KCNMA1: variants seen among roughly 807,000 people sequenced by gnomAD.
KCNMA1 encodes Calcium-activated potassium channel subunit alpha-1.
In KCNMA1, 29 loss-of-function variants were observed where a neutral mutation model predicts 140.0. The ratio of observed to expected loss-of-function variants is 0.21; its 90% CI spans 0.15 to 0.28. The LOEUF (loss-of-function observed/expected upper bound fraction) is 0.28. KCNMA1 is among the 10% of genes least tolerant of loss of function. KCNMA1 has a pLI of 1.00. For missense variants in KCNMA1, 880 were observed against 1,602.2 expected (o/e 0.55, Z 7.70); for synonymous variants, 612 against 611.9 (o/e 1.00, Z 0.00).
At chr10:77,608,592 C>T (rs542878713) in intron 1 of KCNMA1, among the ~76,000 whole-genome samples, 4 of 152,126 alleles carry the variant, frequency 2.6e-5, no homozygotes, top group Non-Finnish European at 5.9e-5. Context: ...CTGAAGTGTG[C>T]ATATACGTGT....
chr10:77,503,872 C>T (rs78298010), intron 1 of KCNMA1, among the ~76,000 whole-genome samples: 7,198 of 152,280 alleles, frequency 0.047, 208 homozygotes, highest in Non-Finnish European at 0.058. Context: ...GTATCAAGTG[C>T]CAAACACTGT....
At chr10:77,039,883 C>CTTTTTTTTTTT (rs34943268) in intron 14 of KCNMA1, among the ~76,000 whole-genome samples, 14 of 78,952 alleles carry the variant, frequency 1.8e-4, no homozygotes, top group South Asian at 5.7e-4. Context: ...TTTTCTTTTT[C>CTTTTTTTTTTT]TTTTTTTTTT....
chr10:77,149,247 G>T (rs2154050336), intron 5 of KCNMA1, among the ~76,000 whole-genome samples: 1 of 152,298 alleles, frequency 6.6e-6, no homozygotes, highest in East Asian at 1.9e-4. Flanking sequence ...CTCTTTCAAA[G>T]AATGGATTGT....
chr10:77,513,731 A>T (rs1014156857), intron 1 of KCNMA1, among the ~76,000 whole-genome samples: 1 of 152,262 alleles, frequency 6.6e-6, no homozygotes, highest in African/African-American at 2.4e-5. Context: ...AGGGAAGCAC[A>T]AACCACTCCA....
rs542552126 is a variant in KCNMA1, at chr10:77,594,329, C to G, written c.378+42936G>C. 1.5e-4 allele frequency among the ~76,000 whole-genome samples: 23 copies of G among 152,296 alleles called. No homozygotes were observed. The South Asian group carries it at 2.7e-3, about 18-fold the overall frequency. ...CTCTAGGATAGAAGAAGCACTCCAG[C>G]CAGCCACCAATTTCCCCTCGCTAAG... On this transcript the variant is annotated intron_variant, in intron 1 of 27. Coordinates refer to ENST00000286628, the MANE Select transcript of KCNMA1 (RefSeq NM_001161352.2).
Position 77,226,814 on chromosome 10 carries a change from G to C in KCNMA1, c.602+24381C>G, listed in dbSNP as rs116401382. On this transcript the variant is annotated intron_variant, in intron 3 of 27. Coordinates refer to ENST00000286628, the MANE Select transcript of KCNMA1 (RefSeq NM_001161352.2). ...AAAAGAGGAGGGGGCTACCGGGACA[G>C]CCACATACTCCTGAGTGCACAATGG... is the stretch of plus-strand genomic sequence containing the variant. Among the ~76,000 whole-genome samples the C allele has an allele frequency of 5.3e-3, 808 of 152,244 alleles. 4 individuals are homozygous for C. Among genetic ancestry groups the C allele is most frequent in the African/African-American group, 0.018 (756 of 41,534 alleles).
intron 23 of KCNMA1, among the ~76,000 whole-genome samples, chr10:76,915,651 C>A (rs1274985386): frequency 6.6e-6 from 1 of 152,064 alleles, no homozygotes; most frequent in Non-Finnish European, 1.5e-5. Flanking sequence ...CACAACATAA[C>A]CTAACCTGGC....
At chr10:77,134,723 G>A (rs896737829) in intron 5 of KCNMA1, among the ~76,000 whole-genome samples, 4 of 152,078 alleles carry the variant, frequency 2.6e-5, no homozygotes, top group African/African-American at 4.8e-5. Flanking sequence ...GAGAGGCGGG[G>A]CGCAGTGGCT....
chr10:77,515,926 C>A (rs995487606), intron 1 of KCNMA1, among the ~76,000 whole-genome samples: 5 of 152,212 alleles, frequency 3.3e-5, no homozygotes, highest in Non-Finnish European at 7.4e-5. Flanking sequence ...GGGAGCTCCT[C>A]AAGAGAAGGG....
At chr10:77,022,320 C>A (rs991742503) in intron 16 of KCNMA1, among the ~76,000 whole-genome samples, 1 of 152,152 alleles carries the variant, frequency 6.6e-6, no homozygotes, top group African/African-American at 2.4e-5. Flanking sequence ...AGAGAAAAAG[C>A]CCATATATCC....
intron 5 of KCNMA1, among the ~76,000 whole-genome samples, chr10:77,138,571 C>T (rs761110075): frequency 6.6e-6 from 1 of 152,170 alleles, no homozygotes; most frequent in Non-Finnish European, 1.5e-5. Context: ...TCCCCCCAGG[C>T]CCCACCAGCA....
intron 23 of KCNMA1, among the ~76,000 whole-genome samples, chr10:76,919,802 G>A (rs2054559333): frequency 1.3e-5 from 2 of 151,746 alleles, no homozygotes; most frequent in Admixed American, 1.3e-4. Flanking sequence ...TATCTGGTAT[G>A]AGGCAAGTGC....
At chr10:77,077,560 C>T (rs1022423716) in intron 13 of KCNMA1, among the ~76,000 whole-genome samples, 8 of 152,184 alleles carry the variant, frequency 5.3e-5, no homozygotes, top group Non-Finnish European at 1.0e-4. Flanking sequence ...GAAGATGCTG[C>T]ATCAGCACTC....
At chr10:77,323,005 C>A (rs1255001171) in intron 2 of KCNMA1, among the ~76,000 whole-genome samples, 1 of 152,184 alleles carries the variant, frequency 6.6e-6, no homozygotes, top group South Asian at 2.1e-4. Context: ...ACTAAGACCA[C>A]GTAATTGACT....
intron 23 of KCNMA1, among the ~76,000 whole-genome samples, chr10:76,928,314 CAT>C (rs1386511389): frequency 9.3e-5 from 14 of 149,942 alleles, no homozygotes; most frequent in Non-Finnish European, 1.8e-4. Flanking sequence ...CACACACGCA[CAT>C]ACACACACAT....
intron 25 of KCNMA1, among the ~76,000 whole-genome samples, chr10:76,907,549 TA>T (rs761159077): frequency 2.0e-5 from 3 of 152,166 alleles, no homozygotes; most frequent in African/African-American, 4.8e-5. Flanking sequence ...TATTTTATTT[TA>T]TTTTTTGAGA....
At position 76,958,397 on chromosome 10, in the gene KCNMA1, C is replaced by T. The variant is rs138484950; in HGVS notation, c.2361-4473G>A. Among the ~76,000 whole-genome samples the T allele has an allele frequency of 1.4e-4, 21 of 152,302 alleles. No individual in the cohort carries two copies. The East Asian group carries it at 2.1e-3, about 15-fold the overall frequency. On this transcript the variant is annotated intron_variant, in intron 20 of 27. Coordinates refer to ENST00000286628, the MANE Select transcript of KCNMA1 (RefSeq NM_001161352.2). ...TAATTCAAGGCTCACTTGTCACTTG[C>T]GACTTAGCCAATGTACATGCCCTAT...
intron 2 of KCNMA1, among the ~76,000 whole-genome samples, chr10:77,295,808 A>AAG (rs1565799012): frequency 1.3e-5 from 2 of 150,512 alleles, no homozygotes; most frequent in Non-Finnish European, 3.0e-5. Flanking sequence ...AAAAAAAAAA[A>AAG]AAAAAAAAAC....
At position 77,034,771 on chromosome 10, in the gene KCNMA1, T is replaced by C. The variant is rs2094199928; in HGVS notation, c.1859+4757A>G. ...TCAAACCTGAATTTTAACTGCTCCA[T>C]CAGCTGCAGAGGGACAGAGAGAGAC... On this transcript the variant is annotated intron_variant, in intron 15 of 27. Coordinates refer to ENST00000286628, the MANE Select transcript of KCNMA1 (RefSeq NM_001161352.2). Among the ~76,000 whole-genome samples, 4 of 152,240 alleles carry C rather than the reference T, an allele frequency of 2.6e-5. No individual in the cohort carries two copies. In the South Asian group the frequency reaches 6.2e-4, roughly 24 times the overall value.
Sources: allele counts gnomAD v4.1 joint callset (sites outside exome capture counted in the v4.1 genomes callset), GRCh38; gene constraint gnomAD v4.1.1; transcripts MANE v1.5; gene names NCBI Gene and HGNC (gene_info 2026-07-23, HGNC 2026-07-21).